Variants in NRG3 observed in about 807,000 individuals in gnomAD.
The protein encoded by NRG3 is neuregulin 3.
In NRG3, 31 loss-of-function variants were observed where a neutral mutation model predicts 66.9. That is an observed-to-expected ratio of 0.46 (90% CI 0.35 to 0.63). The LOEUF (loss-of-function observed/expected upper bound fraction) is 0.63. Ranked by LOEUF, NRG3 falls within the 20% of genes least tolerant of loss-of-function variation. The pLI, the probability that NRG3 is intolerant of heterozygous loss-of-function variation, is 0.00. For missense variants in NRG3, 910 were observed against 878.9 expected, an observed-to-expected ratio of 1.04 and a Z score of -0.45; for synonymous variants, 393 against 359.4, an observed-to-expected ratio of 1.09 and a Z score of -1.06.
intron 4 of NRG3, among the ~76,000 whole-genome samples, chr10:82,942,521 A>G (rs1043084759): frequency 2.6e-5 from 4 of 152,228 alleles, no homozygotes; most frequent in South Asian, 2.1e-4. Flanking sequence ...AAAGAGCACA[A>G]TTTATTTTTC....
At chr10:82,343,084 G>T (rs1009859701) in intron 1 of NRG3, among the ~76,000 whole-genome samples, 1 of 152,034 alleles carries the variant, frequency 6.6e-6, no homozygotes, top group African/African-American at 2.4e-5. Flanking sequence ...TCATAGGTAT[G>T]TGGCTTTATC....
intron 1 of NRG3, among the ~76,000 whole-genome samples, chr10:82,199,655 A>T (rs1436338032): frequency 6.6e-6 from 1 of 152,168 alleles, no homozygotes; most frequent in Non-Finnish European, 1.5e-5. Context: ...TGGTGACACA[A>T]TAAAGATAGC....
intron 1 of NRG3, among the ~76,000 whole-genome samples, chr10:82,066,985 T>G (rs1190434117): frequency 6.7e-6 from 1 of 149,826 alleles, no homozygotes; most frequent in African/African-American, 2.5e-5. Context: ...AAGAATGCCC[T>G]TCTACTTTTA....
intron 1 of NRG3, among the ~76,000 whole-genome samples, chr10:82,352,614 A>G (rs2135526145): frequency 6.6e-6 from 1 of 152,316 alleles, no homozygotes; most frequent in South Asian, 2.1e-4. Context: ...TCTCTGTCTT[A>G]TAATATGTTA....
intron 3 of NRG3, among the ~76,000 whole-genome samples, chr10:82,806,777 A>G (rs2061303584): frequency 6.6e-6 from 1 of 152,180 alleles, no homozygotes. Flanking sequence ...GAATTAGTGC[A>G]TAGTACTTAG....
intron 3 of NRG3, among the ~76,000 whole-genome samples, chr10:82,772,999 A>G (rs987181284): frequency 6.6e-6 from 1 of 152,064 alleles, no homozygotes; most frequent in Non-Finnish European, 1.5e-5. Context: ...GCCACCCTGC[A>G]GAGCCTGTTT....
intron 2 of NRG3, among the ~76,000 whole-genome samples, chr10:82,566,027 G>A (rs1042801111): frequency 5.9e-5 from 9 of 151,870 alleles, no homozygotes; most frequent in Non-Finnish European, 7.4e-5. Context: ...ACTTAGTTTC[G>A]TCTTCCATAA....
intron 2 of NRG3, among the ~76,000 whole-genome samples, chr10:82,393,521 A>G (rs1176084397): frequency 6.6e-6 from 1 of 152,210 alleles, no homozygotes; most frequent in African/African-American, 2.4e-5. Flanking sequence ...GAAATACTGT[A>G]AGGAAGTTAG....
chr10:81,939,166 AT>A (rs1848176731), intron 1 of NRG3, among the ~76,000 whole-genome samples: 1 of 151,786 alleles, frequency 6.6e-6, no homozygotes, highest in Non-Finnish European at 1.5e-5. Context: ...GTTTGCTAGT[AT>A]TTTTTTAGGG....
chr10:82,847,752 G>C (rs1435065921), intron 3 of NRG3, among the ~76,000 whole-genome samples: 3 of 152,174 alleles, frequency 2.0e-5, no homozygotes, highest in Non-Finnish European at 2.9e-5. Flanking sequence ...TGCATTCCCA[G>C]TGCGTAGTCC....
chr10:82,028,351 T>A (rs1396869691), intron 1 of NRG3, among the ~76,000 whole-genome samples: 1 of 152,104 alleles, frequency 6.6e-6, no homozygotes, highest in African/African-American at 2.4e-5. Context: ...AATGCATTCC[T>A]AACTTATATA....
chr10:82,321,301 T>TAG lies in NRG3; in HGVS notation c.824-37438_824-37437insAG, dbSNP rs1554884193. Among the ~76,000 whole-genome samples, 171 of 138,028 alleles carry TAG rather than the reference T, an allele frequency of 1.2e-3. 2 individuals carry two copies. Among genetic ancestry groups the TAG allele is most frequent in the African/African-American group, 4.7e-3 (165 of 34,974 alleles). The allele number at this position is 138,028 out of a possible 152,430, so 90.6% of individuals were successfully genotyped here. ...CCTGTCACACATCCTGTGGCAGGGG[T>TAG]GGGGGTGGGGGTCAGGGAACTCTCC... On this transcript the variant is annotated intron_variant, in intron 1 of 8. Coordinates refer to ENST00000372141, the MANE Select transcript of NRG3 (RefSeq NM_001010848.4).
At chr10:82,752,339 A>G (rs973059343) in intron 3 of NRG3, among the ~76,000 whole-genome samples, 2 of 152,154 alleles carry the variant, frequency 1.3e-5, no homozygotes, top group Non-Finnish European at 2.9e-5. Flanking sequence ...GTGATAGGCA[A>G]TCAATGCCGT....
intron 3 of NRG3, among the ~76,000 whole-genome samples, chr10:82,845,282 CT>C (rs752671600): frequency 6.6e-6 from 1 of 152,226 alleles, no homozygotes; most frequent in African/African-American, 2.4e-5. Context: ...CATTAACTAT[CT>C]TTTTTCCTTT....
intron 2 of NRG3, among the ~76,000 whole-genome samples, chr10:82,584,899 T>C (rs1265645170): frequency 6.6e-6 from 1 of 151,976 alleles, no homozygotes; most frequent in African/African-American, 2.4e-5. Context: ...GCTGCAGAAA[T>C]CTGGAGAGTT....
chr10:82,619,387 T>C (rs2048885893), intron 2 of NRG3, among the ~76,000 whole-genome samples: 1 of 152,170 alleles, frequency 6.6e-6, no homozygotes, highest in Admixed American at 6.5e-5. Context: ...GCAAGATTTC[T>C]TCTGATCTTT....
At chr10:82,794,993 T>A (rs2060738345) in intron 3 of NRG3, among the ~76,000 whole-genome samples, 1 of 152,146 alleles carries the variant, frequency 6.6e-6, no homozygotes, top group Non-Finnish European at 1.5e-5. Context: ...TGGACAGAAA[T>A]CAATTTCTTC....
At chr10:82,508,159 T>G (rs1318948145) in intron 2 of NRG3, among the ~76,000 whole-genome samples, 2 of 152,220 alleles carry the variant, frequency 1.3e-5, no homozygotes, top group African/African-American at 4.8e-5. Flanking sequence ...AATATACTAT[T>G]CATTCCAATA....
chr10:82,673,016 G>A (rs1006655036), intron 2 of NRG3, among the ~76,000 whole-genome samples: 2 of 152,348 alleles, frequency 1.3e-5, no homozygotes, highest in East Asian at 3.9e-4. Context: ...CTCCCAAAGT[G>A]TTGGGATTAC....
Sources: gnomAD v4.1 joint callset for allele counts (sites outside exome capture counted in the v4.1 genomes callset) on GRCh38, gnomAD v4.1.1 for gene constraint, MANE v1.5 for transcripts, NCBI Gene and HGNC (gene_info 2026-07-23, HGNC 2026-07-21) for gene names.